Variants in SERPINB12 observed in about 807,000 individuals in gnomAD.
SERPINB12 encodes the protein serpin family B member 12, also known as serpin B12.
In SERPINB12, 57 loss-of-function variants were observed where a neutral mutation model predicts 41.1. The ratio of observed to expected loss-of-function variants is 1.39; its 90% CI spans 1.12 to 1.73. The LOEUF is 1.73. Ranked by LOEUF, SERPINB12 falls within the 40% of genes most tolerant of loss-of-function variation. The pLI is 0.00. For missense variants in SERPINB12, 536 were observed against 501.9 expected (o/e 1.07, Z -0.65); for synonymous variants, 180 against 181.3 (o/e 0.99, Z 0.06).
intron 7 of SERPINB12, 106 bp downstream of exon 7, chr18:63,565,718 C>G: frequency 1.2e-6 from 1 of 864,184 alleles, no homozygotes; most frequent in Non-Finnish European, 1.7e-6. Context: ...CCTCAGCTGT[C>G]AGAGACATCA....
chr18:63,561,114 C>G lies in SERPINB12; in HGVS notation c.474C>G (p.Tyr158Ter). The G allele has an allele frequency of 6.2e-7, 1 of 1,611,202 alleles. No individual in the cohort carries two copies. The highest frequency in any genetic ancestry group is 2.2e-5 in the East Asian group (1 of 44,846). ...ACTTAGATGGTGTGATTCAATTTTA[C>G]CACACGACGATTGAAAGTGTTGATT... Reference protein sequence around the residue: ...QEYLDGVIQFYHTTIESVDFQ... With the variant: ...QEYLDGVIQF Residue 158 changes from tyrosine to a stop codon, truncating the protein, a stop_gained, in exon 5 of 8, where the codon TAC (tyrosine) becomes TAG (stop). Transcript: ENST00000382768. LOFTEE classifies it high-confidence loss of function.
At chr18:63,555,454 C>T (rs779400730) in intron 1 of SERPINB12, among the ~76,000 whole-genome samples, 6 of 152,138 alleles carry the variant, frequency 3.9e-5, no homozygotes, top group Non-Finnish European at 8.8e-5. Context: ...CTTCATTTTA[C>T]GTGAATACAG....
chr18:63,552,789 A>C (rs1034793789), intron 1 of SERPINB12, among the ~76,000 whole-genome samples: 2 of 152,210 alleles, frequency 1.3e-5, no homozygotes, highest in Non-Finnish European at 2.9e-5. Flanking sequence ...ATTTAAAAAA[A>C]CTGACTCACC....
At chr18:63,527,420 G>A in the SERPINB12 span, among the ~76,000 whole-genome samples, 1 of 152,070 alleles carries the variant, frequency 6.6e-6, no homozygotes, top group Non-Finnish European at 1.5e-5. Context: ...GTGATTATTA[G>A]ACAGTCAAAT....
the SERPINB12 span, among the ~76,000 whole-genome samples, chr18:63,528,508 T>C: frequency 1.3e-5 from 2 of 152,174 alleles, no homozygotes; most frequent in Admixed American, 6.5e-5. Context: ...CTTTTAATTT[T>C]GGCCATCTTG....
At chr18:63,538,943 T>C (rs1275618071), upstream of SERPINB12, among the ~76,000 whole-genome samples, 3 of 152,208 alleles carry the variant, frequency 2.0e-5, no homozygotes, top group Non-Finnish European at 4.4e-5. Flanking sequence ...TAACAACTAA[T>C]AATATTGGTC....
At chr18:63,522,205 G>A in the SERPINB12 span, among the ~76,000 whole-genome samples, 2 of 152,250 alleles carry the variant, frequency 1.3e-5, no homozygotes, top group Non-Finnish European at 2.9e-5. Context: ...CTAGAAAACC[G>A]AATCAAGGCA....
chr18:63,552,224 T>A (rs1169140732), intron 1 of SERPINB12, among the ~76,000 whole-genome samples: 3 of 152,212 alleles, frequency 2.0e-5, no homozygotes, highest in African/African-American at 7.2e-5. Flanking sequence ...GTAATTCAGA[T>A]ACGACAAATG....
chr18:63,530,216 G>A, the SERPINB12 span, among the ~76,000 whole-genome samples: 1 of 152,170 alleles, frequency 6.6e-6, no homozygotes, highest in Non-Finnish European at 1.5e-5. Context: ...TAAGGCTGAA[G>A]CCAGTATTGC....
At chr18:63,524,840 C>G in the SERPINB12 span, among the ~76,000 whole-genome samples, 1 of 151,042 alleles carries the variant, frequency 6.6e-6, no homozygotes, top group Non-Finnish European at 1.5e-5. Flanking sequence ...ACCTCAGCCT[C>G]CTGGGTTCAA....
the SERPINB12 span, among the ~76,000 whole-genome samples, chr18:63,533,211 C>T: frequency 1.3e-5 from 2 of 152,124 alleles, no homozygotes; most frequent in Admixed American, 6.5e-5. Context: ...CCCCTAACCT[C>T]GTGATCCGCC....
At chr18:63,558,600 C>A in intron 3 of SERPINB12, 114 bp downstream of exon 3, 2 of 1,149,734 alleles carry the variant, frequency 1.7e-6, no homozygotes, top group Non-Finnish European at 2.4e-6. Context: ...TGGATACCAT[C>A]AACAGCAATA....
At chr18:63,538,971 G>A (rs1310469613), upstream of SERPINB12, among the ~76,000 whole-genome samples, 1 of 152,148 alleles carries the variant, frequency 6.6e-6, no homozygotes, top group Non-Finnish European at 1.5e-5. Flanking sequence ...AATGGTGGCT[G>A]GGAGTGGTGG....
chr18:63,528,672 C>A, the SERPINB12 span, among the ~76,000 whole-genome samples: 1 of 152,022 alleles, frequency 6.6e-6, no homozygotes, highest in African/African-American at 2.4e-5. Flanking sequence ...ACCAGGCAAG[C>A]AGACCAAACA....
the SERPINB12 span, among the ~76,000 whole-genome samples, chr18:63,521,634 G>A: frequency 1.3e-5 from 2 of 152,192 alleles, no homozygotes; most frequent in Non-Finnish European, 2.9e-5. Flanking sequence ...GTAGGCACAA[G>A]CAAGGGAAAA....
chr18:63,560,784 T>C (rs746368302), intron 4 of SERPINB12, among the ~76,000 whole-genome samples: 3 of 152,172 alleles, frequency 2.0e-5, no homozygotes, highest in Non-Finnish European at 4.4e-5. Context: ...ATACTTACCT[T>C]GTGATGGCTC....
the SERPINB12 span, among the ~76,000 whole-genome samples, chr18:63,522,139 G>A: frequency 1.3e-5 from 2 of 152,278 alleles, no homozygotes; most frequent in African/African-American, 4.8e-5. Context: ...TTTACATAGT[G>A]TGACAAGAGT....
chr18:63,524,602 T>C, the SERPINB12 span, among the ~76,000 whole-genome samples: 3 of 152,298 alleles, frequency 2.0e-5, no homozygotes, highest in Admixed American at 6.5e-5. Context: ...AAATTTCTTT[T>C]ATAAATTTAT....
chr18:63,525,626 A>T, the SERPINB12 span, among the ~76,000 whole-genome samples: 4 of 152,132 alleles, frequency 2.6e-5, no homozygotes, highest in African/African-American at 9.6e-5. Flanking sequence ...ACATAATATT[A>T]CTTTAACATT....
Sources: gnomAD v4.1 joint callset for allele counts (sites outside exome capture counted in the v4.1 genomes callset) on GRCh38, gnomAD v4.1.1 for gene constraint, MANE v1.5 for transcripts, NCBI Gene and HGNC (gene_info 2026-07-23, HGNC 2026-07-21) for gene names.